NPAS2: variants seen among roughly 807,000 people sequenced by gnomAD.
NPAS2 encodes the protein neuronal PAS domain protein 2.
Under a neutral mutation model 107.5 loss-of-function variants are expected in NPAS2, and 23 were observed. The observed-to-expected ratio is 0.21, with a 90% CI of 0.15 to 0.30. The LOEUF (loss-of-function observed/expected upper bound fraction) is 0.30, where lower values mean the gene tolerates loss of function less well. Among genes scored for constraint, NPAS2 ranks in the 10% least tolerant of loss-of-function variants. NPAS2 has a pLI of 1.00. For synonymous variants in NPAS2, 403 were observed against 417.5 expected (o/e 0.97, Z 0.42); for missense variants, 756 against 1,043.3 (o/e 0.72, Z 3.79).
intron 12 of NPAS2, among the ~76,000 whole-genome samples, 193 bp downstream of exon 12, chr2:100,971,267 C>G (rs1676532499): frequency 7.0e-6 from 1 of 143,770 alleles, no homozygotes; most frequent in Non-Finnish European, 1.5e-5. Flanking sequence ...CCACCATACT[C>G]CAGCCCGGAT....
intron 1 of NPAS2, among the ~76,000 whole-genome samples, chr2:100,888,527 T>C (rs938387987): frequency 1.3e-5 from 2 of 152,226 alleles, no homozygotes; most frequent in African/African-American, 4.8e-5. Context: ...CTAGTAGATG[T>C]ACATGTTATC....
At chr2:100,892,561 G>A (rs1045237480) in intron 1 of NPAS2, among the ~76,000 whole-genome samples, 1 of 152,170 alleles carries the variant, frequency 6.6e-6, no homozygotes, top group Admixed American at 6.5e-5. Context: ...AGGCTGGAGA[G>A]GGCTAGTGTT....
rs562453641 is a variant in NPAS2 at position 100,956,581 on chromosome 2, C to T, written c.598+7101C>T. On this transcript the variant is annotated intron_variant, in intron 7 of 20. Transcript: ENST00000335681. ...TAGCTGTATAGTATTCCACGGCTAA[C>T]GCGCTCTCTTCTTGCTCCTCTGATC... Among the ~76,000 whole-genome samples the T allele has an allele frequency of 5.8e-4, 88 of 152,298 alleles. 1 individual carries two copies. Among genetic ancestry groups the T allele is most frequent in the African/African-American group, 2.1e-3 (86 of 41,556 alleles).
chr2:100,986,921 C>T (rs1677812412), intron 16 of NPAS2: 1 of 152,186 alleles, frequency 6.6e-6, no homozygotes, highest in South Asian at 2.1e-4. Flanking sequence ...TTTCTAAGCA[C>T]CTAAACAACT....
At chr2:100,907,533 C>A (rs11897841) in intron 2 of NPAS2, among the ~76,000 whole-genome samples, 1 of 148,472 alleles carries the variant, frequency 6.7e-6, no homozygotes, top group African/African-American at 2.5e-5. Flanking sequence ...CCCCTAAGAT[C>A]GTATTCTTTT....
intron 1 of NPAS2, among the ~76,000 whole-genome samples, chr2:100,851,139 G>A (rs970820564): frequency 2.0e-5 from 3 of 151,984 alleles, no homozygotes; most frequent in African/African-American, 2.4e-5. Context: ...TGGGAGTTGC[G>A]GGGGCTGGAG....
chr2:100,942,343 T>A (rs1390049807), intron 5 of NPAS2, among the ~76,000 whole-genome samples: 2 of 152,032 alleles, frequency 1.3e-5, no homozygotes, highest in African/African-American at 2.4e-5. Flanking sequence ...ATGAGACACC[T>A]TTTCAGGAAG....
intron 1 of NPAS2, among the ~76,000 whole-genome samples, chr2:100,861,035 A>AT (rs3042733): frequency 0.083 from 11,900 of 143,762 alleles, 987 homozygotes; most frequent in African/African-American, 0.21. Context: ...CCCCCAGCTA[A>AT]TTTTTTTTTT....
At chr2:100,920,261 G>A (rs1001962517) in intron 2 of NPAS2, among the ~76,000 whole-genome samples, 2 of 152,054 alleles carry the variant, frequency 1.3e-5, no homozygotes, top group Non-Finnish European at 2.9e-5. Flanking sequence ...TAATAATAAC[G>A]TACAGTGTTG....
intron 2 of NPAS2, among the ~76,000 whole-genome samples, chr2:100,905,805 C>T (rs1251652291): frequency 6.6e-6 from 1 of 152,158 alleles, no homozygotes; most frequent in Admixed American, 6.5e-5. Flanking sequence ...TGCTTGTCAC[C>T]TGTAAATGGT....
At chr2:100,981,290 G>A (rs1677421037) in intron 15 of NPAS2, among the ~76,000 whole-genome samples, 1 of 152,094 alleles carries the variant, frequency 6.6e-6, no homozygotes, top group African/African-American at 2.4e-5. Flanking sequence ...AGGGAGTGGA[G>A]GTTAAATCAT....
At chr2:100,969,980 A>G (rs1045696912) in intron 11 of NPAS2, among the ~76,000 whole-genome samples, 5 of 152,232 alleles carry the variant, frequency 3.3e-5, no homozygotes, top group Admixed American at 6.5e-5. Flanking sequence ...CACACCATAC[A>G]TGTATCAGGT....
chr2:100,906,912 AAGTGG>A (rs1682184516), intron 2 of NPAS2, among the ~76,000 whole-genome samples: 1 of 152,240 alleles, frequency 6.6e-6, no homozygotes, highest in Non-Finnish European at 1.5e-5. Flanking sequence ...AAGCTCTAGG[AAGTGG>A]CAGAATGAGA....
intron 1 of NPAS2, among the ~76,000 whole-genome samples, chr2:100,876,078 A>AT (rs1038825201): frequency 1.5e-4 from 23 of 151,542 alleles, no homozygotes; most frequent in Non-Finnish European, 2.8e-4. Flanking sequence ...TACCACTCTA[A>AT]TTTTTTTTTG....
intron 1 of NPAS2, among the ~76,000 whole-genome samples, chr2:100,892,791 C>T (rs1681159492): frequency 6.6e-6 from 1 of 152,184 alleles, no homozygotes; most frequent in African/African-American, 2.4e-5. Context: ...GTGATCTCAG[C>T]TCGTTGCGGC....
intron 1 of NPAS2, among the ~76,000 whole-genome samples, chr2:100,841,934 A>G (rs1411700696): frequency 6.6e-6 from 1 of 152,196 alleles, no homozygotes; most frequent in African/African-American, 2.4e-5. Context: ...TGTATACCAT[A>G]TACATAAGTG....
At chr2:100,877,555 A>G (rs1432583657) in intron 1 of NPAS2, among the ~76,000 whole-genome samples, 1 of 152,092 alleles carries the variant, frequency 6.6e-6, no homozygotes, top group Non-Finnish European at 1.5e-5. Context: ...GCATTGGCCA[A>G]GCAGCCTTCA....
chr2:100,914,660 C>A (rs1682761061), intron 2 of NPAS2, among the ~76,000 whole-genome samples: 2 of 152,168 alleles, frequency 1.3e-5, no homozygotes, highest in South Asian at 4.1e-4. Flanking sequence ...TTATTAACAG[C>A]CCCTGCCACC....
chr2:100,938,136 G>C (rs1684454423), intron 5 of NPAS2, among the ~76,000 whole-genome samples: 1 of 152,176 alleles, frequency 6.6e-6, no homozygotes, highest in Non-Finnish European at 1.5e-5. Context: ...TGATGAGAGA[G>C]TCACAGCACT....
Sources: allele counts gnomAD v4.1 joint callset (sites outside exome capture counted in the v4.1 genomes callset), GRCh38; gene constraint gnomAD v4.1.1; transcripts MANE v1.5; gene names NCBI Gene and HGNC (gene_info 2026-07-23, HGNC 2026-07-21).